TSPAN16: variants seen among roughly 807,000 people sequenced by gnomAD.
TSPAN16 encodes tetraspanin-16.
A neutral mutation model predicts 25.2 loss-of-function variants in TSPAN16; 23 were observed. The observed-to-expected ratio is 0.91, with a 90% confidence interval of 0.66 to 1.29. The LOEUF (loss-of-function observed/expected upper bound fraction) is 1.29, where lower values mean the gene tolerates loss of function less well. TSPAN16 is among the 50% of genes most tolerant of loss of function. TSPAN16 has a pLI of 0.00. For missense variants in TSPAN16, 272 were observed against 299.9 expected, an observed-to-expected ratio of 0.91 and a Z score of 0.69; for synonymous variants, 123 against 124.4, an observed-to-expected ratio of 0.99 and a Z score of 0.08.
chr19:11,314,110 T>C (rs1366136748), intron 6 of TSPAN16, among the ~76,000 whole-genome samples: 1 of 152,216 alleles, frequency 6.6e-6, no homozygotes, highest in African/African-American at 2.4e-5. Flanking sequence ...TATTATATGA[T>C]TCCATTATAT....
intron 6 of TSPAN16, among the ~76,000 whole-genome samples, chr19:11,326,309 A>C (rs2080812694): frequency 6.7e-6 from 1 of 149,624 alleles, no homozygotes; most frequent in Non-Finnish European, 1.5e-5. Flanking sequence ...TGAGCCCAGG[A>C]GGTCAAGGCA....
intron 5 of TSPAN16, among the ~76,000 whole-genome samples, chr19:11,310,117 C>A (rs1483585285): frequency 6.6e-6 from 1 of 151,518 alleles, no homozygotes; most frequent in East Asian, 1.9e-4. Context: ...AAAAAAAAAA[C>A]TATTATGTGA....
rs746601008 is a variant in TSPAN16 at position 11,306,721 on chromosome 19, G to A, written c.568G>A (p.Gly190Arg). ...ATCCATCGGAAGTGTGTCCTGTGAC[G>A]GACGCGATGTGTCTCCAAACGTCAT... Reference protein sequence around the residue: ...CKSIGSVSCDGRDVSPNVIHQ... With the variant: ...CKSIGSVSCDRRDVSPNVIHQ... The change falls in exon 5 of 7, where the codon GGA (glycine) becomes AGA (arginine). Residue 190 changes from glycine (G) to arginine (R), a missense_variant. Coordinates refer to ENST00000590327, the MANE Select transcript of TSPAN16 (RefSeq NM_001282509.2). 1.2e-5 allele frequency: 19 copies of A among 1,613,916 alleles called. No homozygotes were observed. The East Asian group carries it at 2.9e-4, about 25-fold the overall frequency.
chr19:11,324,898 T>TC (rs1215002877), intron 6 of TSPAN16: 1 of 152,694 alleles, frequency 6.5e-6, no homozygotes, highest in Non-Finnish European at 1.5e-5. Flanking sequence ...GGGGGCAGGC[T>TC]CAGAGACCAG....
At chr19:11,319,961 C>G (rs1021228784), downstream of TSPAN16, among the ~76,000 whole-genome samples, 1 of 149,212 alleles carries the variant, frequency 6.7e-6, no homozygotes, top group Non-Finnish European at 1.5e-5. Context: ...ACTACAGGCG[C>G]CCGCCACCAC....
At chr19:11,300,776 A>G (rs893139264) in intron 3 of TSPAN16, 2 of 160,576 alleles carry the variant, frequency 1.2e-5, no homozygotes, top group Admixed American at 6.0e-5. Context: ...TGCCTCTATC[A>G]TCGCTTTGCA....
intron 6 of TSPAN16, chr19:11,321,979 A>G (rs1253178488): frequency 2.0e-5 from 3 of 152,232 alleles, no homozygotes; most frequent in African/African-American, 7.2e-5. Flanking sequence ...TGTGTCTTGA[A>G]GAGCCCTTGA....
At chr19:11,321,221 C>T (rs968022815) in intron 6 of TSPAN16, 1 of 151,732 alleles carries the variant, frequency 6.6e-6, no homozygotes, top group Non-Finnish European at 1.5e-5. Context: ...TTAATTTACT[C>T]ACAGTTCAAC....
At chr19:11,297,545 G>A (rs2080492449) in intron 1 of TSPAN16, among the ~76,000 whole-genome samples, 1 of 150,790 alleles carries the variant, frequency 6.6e-6, no homozygotes, top group Admixed American at 6.6e-5. Context: ...CACCCAGGCT[G>A]GAGTGCAGTG....
chr19:11,303,255 A>G (rs1462626296), intron 4 of TSPAN16, among the ~76,000 whole-genome samples: 1 of 139,612 alleles, frequency 7.2e-6, no homozygotes, highest in Non-Finnish European at 1.5e-5. Context: ...CTGTGACCTT[A>G]CCCCCAACCC....
At chr19:11,316,756 G>A (rs1007104780), downstream of TSPAN16, among the ~76,000 whole-genome samples, 1 of 150,288 alleles carries the variant, frequency 6.7e-6, no homozygotes, top group African/African-American at 2.4e-5. Context: ...TAGGAGGATC[G>A]CTTGAGCCCA....
At chr19:11,317,286 A>G (rs1257250554), downstream of TSPAN16, among the ~76,000 whole-genome samples, 1 of 151,976 alleles carries the variant, frequency 6.6e-6, no homozygotes, top group African/African-American at 2.4e-5. Flanking sequence ...ATCCCTTAAT[A>G]CCTAGGCCAT....
intron 4 of TSPAN16, 30 bp downstream of exon 4, chr19:11,301,338 G>C (rs747164511): frequency 5.2e-6 from 8 of 1,540,606 alleles, no homozygotes; most frequent in Non-Finnish European, 6.3e-6. Context: ...AAAAAATTGT[G>C]GTGTAAAGGT....
At chr19:11,321,124 G>A (rs188458807) in intron 6 of TSPAN16, among the ~76,000 whole-genome samples, 2 of 150,674 alleles carry the variant, frequency 1.3e-5, no homozygotes, top group Non-Finnish European at 3.0e-5. Flanking sequence ...AGCCAAGATG[G>A]CACCACTGCA....
intron 6 of TSPAN16, chr19:11,325,231 T>C (rs1599355134): frequency 3.5e-6 from 2 of 576,340 alleles, no homozygotes; most frequent in South Asian, 4.2e-5. Flanking sequence ...CTGAGGAACC[T>C]GGCAGCCACG....
At chr19:11,316,117 GGTTTT>G, downstream of TSPAN16, 1 of 228,488 alleles carries the variant, frequency 4.4e-6, no homozygotes, top group Non-Finnish European at 7.1e-6. Context: ...GTGTGTGTGT[GGTTTT>G]TTTTTTTTTT....
downstream of TSPAN16, among the ~76,000 whole-genome samples, chr19:11,318,561 T>C (rs1234937264): frequency 1.3e-5 from 2 of 152,208 alleles, no homozygotes; most frequent in African/African-American, 4.8e-5. Context: ...TGAGCATCAA[T>C]GAACTCAGGG....
At chr19:11,323,153 T>G (rs2080790847) in intron 6 of TSPAN16, 1 of 150,914 alleles carries the variant, frequency 6.6e-6, no homozygotes. Flanking sequence ...CCATACTGCA[T>G]CTTGAGAAGT....
At chr19:11,315,097 G>T (rs1041364766) in intron 6 of TSPAN16, among the ~76,000 whole-genome samples, 1 of 151,716 alleles carries the variant, frequency 6.6e-6, no homozygotes, top group African/African-American at 2.4e-5. Flanking sequence ...TTAGCCGGGC[G>T]TGGTGCTGGG....
Sources: allele counts gnomAD v4.1 joint callset (sites outside exome capture counted in the v4.1 genomes callset), GRCh38; gene constraint gnomAD v4.1.1; transcripts MANE v1.5; gene names NCBI Gene and HGNC (gene_info 2026-07-23, HGNC 2026-07-21).